Variants in HOOK1 observed in about 807,000 individuals in gnomAD.
The protein encoded by HOOK1 is hook microtubule tethering protein 1, also known as protein Hook homolog 1.
In HOOK1, 60 loss-of-function variants were observed where a neutral mutation model predicts 112.8. That is an observed-to-expected ratio of 0.53 (90% CI 0.43 to 0.66). The LOEUF is 0.66. Among genes scored for constraint, HOOK1 ranks in the 30% least tolerant of loss-of-function variants. HOOK1 has a pLI of 0.00. For missense variants in HOOK1, 770 were observed against 856.0 expected, an observed-to-expected ratio of 0.90 and a Z score of 1.25; for synonymous variants, 294 against 283.8, an observed-to-expected ratio of 1.04 and a Z score of -0.36.
chr1:59,860,141 G>A (rs1480416468), intron 14 of HOOK1, 47 bp from the exon 15 acceptor site: 3 of 1,429,142 alleles, frequency 2.1e-6, no homozygotes, highest in Non-Finnish European at 2.8e-6. Flanking sequence ...AGAATATAAT[G>A]ACTCATATTT....
At chr1:59,827,659 T>C (rs1022936234) in intron 2 of HOOK1, among the ~76,000 whole-genome samples, 3 of 152,140 alleles carry the variant, frequency 2.0e-5, no homozygotes, top group African/African-American at 4.8e-5. Context: ...AATTATTATA[T>C]GTTGATTATG....
intron 1 of HOOK1, among the ~76,000 whole-genome samples, chr1:59,816,587 G>C (rs538217047): frequency 6.6e-6 from 1 of 152,238 alleles, no homozygotes; most frequent in South Asian, 2.1e-4. Context: ...ATTTTCTTTT[G>C]TGTTGTAATA....
At chr1:59,855,942 T>TTATATA (rs57109724) in intron 12 of HOOK1, among the ~76,000 whole-genome samples, 1 of 96,526 alleles carries the variant, frequency 1.0e-5, no homozygotes, top group Non-Finnish European at 1.8e-5. Flanking sequence ...CCCAGCTAAT[T>TTATATA]TATATATATA....
chr1:59,827,016 C>T (rs981794328), intron 2 of HOOK1, among the ~76,000 whole-genome samples: 18 of 152,080 alleles, frequency 1.2e-4, no homozygotes, highest in African/African-American at 4.3e-4. Context: ...CTGGCTGCCT[C>T]GGCCCCCCAA....
chr1:59,853,351 G>C (rs2098408287), intron 12 of HOOK1, among the ~76,000 whole-genome samples: 1 of 151,738 alleles, frequency 6.6e-6, no homozygotes, highest in African/African-American at 2.4e-5. Flanking sequence ...TCTAATGTCT[G>C]TCTTTTTTCT....
chr1:59,864,067 G>A (rs12084595), intron 16 of HOOK1, among the ~76,000 whole-genome samples: 7,252 of 151,888 alleles, frequency 0.048, 409 homozygotes, highest in African/African-American at 0.13. Context: ...GATGCGGAAC[G>A]ACTATTGCAA....
chr1:59,868,013 AT>A (rs1189466270), intron 19 of HOOK1, among the ~76,000 whole-genome samples: 1 of 152,120 alleles, frequency 6.6e-6, no homozygotes, highest in Non-Finnish European at 1.5e-5. Flanking sequence ...GAGAAGGGAA[AT>A]TTGTTTTTGG....
At chr1:59,833,355 T>G in intron 4 of HOOK1, 50 bp from the exon 5 acceptor site, 1 of 1,356,652 alleles carries the variant, frequency 7.4e-7, no homozygotes, top group Non-Finnish European at 9.7e-7. Context: ...ATGTAGCAAA[T>G]TCTTTGCAGC....
At chr1:59,815,249 C>A in intron 1 of HOOK1, 69 bp downstream of exon 1, 1 of 1,440,534 alleles carries the variant, frequency 6.9e-7, no homozygotes, top group Non-Finnish European at 9.4e-7. Flanking sequence ...GCGCCCGGTT[C>A]TCCCAGGTGA....
chr1:59,847,750 G>A (rs1160624713), intron 10 of HOOK1, among the ~76,000 whole-genome samples: 1 of 151,338 alleles, frequency 6.6e-6, no homozygotes, highest in Non-Finnish European at 1.5e-5. Context: ...ATACTCATTT[G>A]AAACAAAATT....
At chr1:59,833,569 A>G (rs772547410) in intron 5 of HOOK1, 32 bp downstream of exon 5, 25 of 1,497,596 alleles carry the variant, frequency 1.7e-5, no homozygotes, top group Non-Finnish European at 2.1e-5. Context: ...GAGGATTTCT[A>G]CTTTCTAGAA....
chr1:59,847,071 G>A lies in HOOK1; in HGVS notation c.815G>A (p.Arg272His), dbSNP rs746423752. The A allele has an allele frequency of 5.6e-6, 9 of 1,606,544 alleles. No individual in the cohort carries two copies. Among genetic ancestry groups the A allele is most frequent in the African/African-American group, 5.4e-5 (4 of 74,458 alleles). Residue 272 changes from arginine (R) to histidine (H), a missense_variant, in exon 10 of 22, where the codon CGT (arginine) becomes CAT (histidine). Arg to His is a conservative substitution (Grantham distance 29). Coordinates refer to ENST00000371208, the MANE Select transcript of HOOK1 (RefSeq NM_015888.6). ...FRLEAAKDDYRVHCEELEKQL... is the reference protein window; with the variant it reads ...FRLEAAKDDYHVHCEELEKQL... ...CTTGAAGCTGCAAAAGATGATTACC[G>A]TGTTCACTGTGAAGAACTTGAAAAG...
intron 5 of HOOK1, among the ~76,000 whole-genome samples, chr1:59,835,010 T>G (rs933709074): frequency 6.6e-6 from 1 of 152,170 alleles, no homozygotes; most frequent in African/African-American, 2.4e-5. Context: ...CTAAGCACTA[T>G]TGAGCAATTT....
At chr1:59,833,216 G>GTTT (rs1338147776) in intron 4 of HOOK1, among the ~76,000 whole-genome samples, 189 bp from the exon 5 acceptor site, 1 of 152,114 alleles carries the variant, frequency 6.6e-6, no homozygotes, top group African/African-American at 2.4e-5. Flanking sequence ...AGTGCTTTTG[G>GTTT]TTGGTTACTC....
intron 1 of HOOK1, among the ~76,000 whole-genome samples, chr1:59,820,637 C>G (rs1363749736): frequency 6.6e-6 from 1 of 152,192 alleles, no homozygotes; most frequent in Middle Eastern, 3.2e-3. Flanking sequence ...CTCCGAGAAG[C>G]CTTTCCTAAA....
chr1:59,849,164 C>A lies in HOOK1; in HGVS notation c.1223C>A (p.Ala408Asp). The stretch of plus-strand genomic sequence containing the variant: ...AAGCGGCTTGAAGAAAAACATGAAG[C>A]TTTACTTAAGGAAAAAGAGGTAAAC... ...EMKRLEEKHE[A>D]LLKEKERLIE... Residue 408 changes from alanine to aspartate, a missense_variant, in exon 12 of 22, where the codon GCT becomes GAT. Around this residue, in one of 3 missense-constraint regions of HOOK1, gnomAD observed 655 missense variants for 725.9 expected, o/e 0.90. Transcript: ENST00000371208. 1 of 1,605,702 alleles carries A rather than the reference C, an allele frequency of 6.2e-7. No homozygotes were observed. The highest frequency in any genetic ancestry group is 8.5e-7 in the Non-Finnish European group (1 of 1,173,934).
In HOOK1 at chr1:59,872,951, A is replaced by C; in HGVS notation, c.2173A>C (p.Thr725Pro). 6.7e-7 allele frequency: 1 copy of C among 1,492,104 alleles called. No homozygotes were observed. The highest frequency in any genetic ancestry group is 1.4e-5 in the African/African-American group (1 of 71,284). 92.4% of individuals were successfully genotyped at this position (1,492,104 alleles called of 1,614,324 possible). A position where few individuals can be genotyped will look rare whatever the true frequency, so the allele number is the denominator to read the frequency against. ...RRNLSVKVPA[T>P]TSD ...AAATCTCTCTGTTAAAGTCCCTGCTACAACATCTGATTAAACTGCAAAAAA... is the reference window on the plus strand; with the variant it reads ...AAATCTCTCTGTTAAAGTCCCTGCTCCAACATCTGATTAAACTGCAAAAAA... The change falls in exon 22 of 22, where the codon ACA (threonine) becomes CCA (proline). Residue 725 changes from threonine (T) to proline (P), a missense_variant. Around this residue, in one of 3 missense-constraint regions of HOOK1, gnomAD observed 111 missense variants for 111.8 expected, o/e 0.99. Transcript: ENST00000371208.
chr1:59,823,711 C>T (rs2098387658), intron 2 of HOOK1, among the ~76,000 whole-genome samples: 1 of 152,182 alleles, frequency 6.6e-6, no homozygotes, highest in African/African-American at 2.4e-5. Context: ...TAGCACTGGA[C>T]CTGATGTTTG....
intron 11 of HOOK1, 41 bp from the exon 12 acceptor site, chr1:59,849,032 A>G (rs573758363): frequency 6.0e-5 from 75 of 1,245,448 alleles, no homozygotes; most frequent in African/African-American, 9.0e-5. Flanking sequence ...ATACACTTAT[A>G]TACTTTTAAG....
Sources: allele counts gnomAD v4.1 joint callset (sites outside exome capture counted in the v4.1 genomes callset), GRCh38; gene constraint gnomAD v4.1.1; regional missense constraint gnomAD v4.1.1; transcripts MANE v1.5; gene names NCBI Gene and HGNC (gene_info 2026-07-23, HGNC 2026-07-21).